The following NPHP4 variants were observed in gnomAD, a reference collection of about 807,000 sequenced individuals.
NPHP4 encodes the protein nephrocystin 4.
A neutral mutation model predicts 155.8 loss-of-function variants in NPHP4; 151 were observed. The ratio of observed to expected loss-of-function variants is 0.97; its 90% CI spans 0.85 to 1.11. The LOEUF (loss-of-function observed/expected upper bound fraction) is 1.11, where lower values mean the gene tolerates loss of function less well. NPHP4 is among the 50% of genes least tolerant of loss of function. The pLI, the probability that NPHP4 is intolerant of heterozygous loss-of-function variation, is 0.00. For missense variants in NPHP4, 1,956 were observed against 1,925.7 expected (o/e 1.02, Z -0.29); for synonymous variants, 845 against 816.8 (o/e 1.03, Z -0.59).
intron 9 of NPHP4, among the ~76,000 whole-genome samples, chr1:5,946,739 A>G (rs1033143800): frequency 2.6e-4 from 39 of 152,368 alleles, no homozygotes; most frequent in Middle Eastern, 3.4e-3. Context: ...ACTGAAGGTT[A>G]CATTGATCAT....
chr1:5,887,036 C>T, intron 18 of NPHP4: 1 of 480,400 alleles, frequency 2.1e-6, no homozygotes. Flanking sequence ...CAACAAACAA[C>T]AACATGCAGG....
intron 2 of NPHP4, among the ~76,000 whole-genome samples, chr1:5,982,476 A>T (rs974138750): frequency 1.3e-5 from 2 of 152,232 alleles, no homozygotes; most frequent in African/African-American, 2.4e-5. Context: ...CACAATGACA[A>T]AATCACCTAA....
intron 18 of NPHP4, among the ~76,000 whole-genome samples, chr1:5,885,280 T>C (rs750171139): frequency 1.4e-5 from 2 of 145,724 alleles, no homozygotes; most frequent in Non-Finnish European, 3.0e-5. Flanking sequence ...CCAAGATAAG[T>C]GCCCAAGCTC....
chr1:5,875,231 C>T (rs893936292), intron 20 of NPHP4, 131 bp from the exon 21 acceptor site: 2 of 744,278 alleles, frequency 2.7e-6, no homozygotes, highest in Non-Finnish European at 4.6e-6. Flanking sequence ...CCACCACCCC[C>T]TTCCTTGACC....
At position 5,888,572 on chromosome 1, in the gene NPHP4, C is replaced by G. The variant is rs751219705; in HGVS notation, c.2305-1106G>C. ...TGCATAGACATCGATGATTCCGGAA[C>G]CTCAGTCACTGGGAGACTGAGAAGA... On this transcript the variant is annotated intron_variant, in intron 17 of 29. Coordinates refer to ENST00000378156, the MANE Select transcript of NPHP4 (RefSeq NM_015102.5). 5 of 1,351,136 alleles carry G rather than the reference C, an allele frequency of 3.7e-6. No homozygotes were observed. In the African/African-American group the frequency reaches 7.4e-5, roughly 20 times the overall value. 83.7% of individuals were successfully genotyped at this position (1,351,136 alleles called of 1,614,324 possible).
intron 9 of NPHP4, among the ~76,000 whole-genome samples, chr1:5,945,032 C>T (rs1477281267): frequency 1.3e-5 from 2 of 152,198 alleles, no homozygotes; most frequent in African/African-American, 2.4e-5. Flanking sequence ...GCCCATGAAG[C>T]GGCCACCATC....
In NPHP4 at chr1:5,864,352, G is replaced by T; in HGVS notation, c.3982C>A (p.Pro1328Thr). 1.9e-6 allele frequency: 3 copies of T among 1,607,274 alleles called. No individual in the cohort carries two copies. Among genetic ancestry groups the T allele is most frequent in the Non-Finnish European group, 2.5e-6 (3 of 1,176,612 alleles). Residue 1328 changes from proline to threonine, a missense_variant, in exon 28 of 30, where the codon CCG becomes ACG. Physicochemically the swap from Pro to Thr is conservative, Grantham distance 38 (BLOSUM62 -1). Coordinates refer to ENST00000378156, the MANE Select transcript of NPHP4 (RefSeq NM_015102.5). ...CACATACAGACCTTGGAGATGAGCG[G>T]CTGGCGGCAGCAGAGGCACACGAGC... ...SWLVCLCCRQ[P>T]LISKAFEIML...
At chr1:5,887,978 G>A (rs750236271) in intron 17 of NPHP4, among the ~76,000 whole-genome samples, 3 of 152,258 alleles carry the variant, frequency 2.0e-5, no homozygotes, top group Non-Finnish European at 4.4e-5. Context: ...AAGGGCACAG[G>A]GCACAGGGTA....
intron 5 of NPHP4, among the ~76,000 whole-genome samples, chr1:5,966,270 G>A (rs1049008753): frequency 3.9e-5 from 6 of 152,164 alleles, no homozygotes; most frequent in African/African-American, 1.4e-4. Context: ...GTTTGAGACA[G>A]GGTCTCACTG....
At chr1:5,875,159 C>CAGCCAGCAGTAGCCCCTTG in intron 20 of NPHP4, 59 bp from the exon 21 acceptor site, 1 of 1,330,688 alleles carries the variant, frequency 7.5e-7, no homozygotes, top group Non-Finnish European at 1.0e-6. Context: ...CCACAAGGGG[C>CAGCCAGCAGTAGCCCCTTG]TATTGCTGGC....
At chr1:5,956,067 G>A (rs947160783) in intron 6 of NPHP4, among the ~76,000 whole-genome samples, 4 of 149,874 alleles carry the variant, frequency 2.7e-5, no homozygotes, top group Admixed American at 2.0e-4. Flanking sequence ...GCTGGGGGGG[G>A]GGGGTGCAGG....
At position 5,875,099 on chromosome 1, in the gene NPHP4, G is replaced by A. The variant is rs200136271; in HGVS notation, c.2819C>T (p.Ala940Val). Residue 940 changes from alanine to valine, a missense_variant and splice_region_variant, in exon 21 of 30, where the codon GCG (alanine) becomes GTG (valine). Physicochemically the swap from Ala to Val is moderately conservative, Grantham distance 64. Coordinates refer to ENST00000378156, the MANE Select transcript of NPHP4 (RefSeq NM_015102.5). ...GTGCTGTGTGCGGACGCTCTGCTGC[G>A]CCTGCAGACAAGAGGACATGGGTGG... ...DLGRRGTSVL[A>V]QQSVRTQHLR... 68 of 1,597,470 alleles carry A rather than the reference G, an allele frequency of 4.3e-5. No homozygotes were observed. The African/African-American group carries it at 7.3e-4, about 17-fold the overall frequency.
intron 29 of NPHP4, 105 bp from the exon 30 acceptor site, chr1:5,863,510 G>GGCAGGGGA: frequency 7.0e-7 from 1 of 1,429,264 alleles, no homozygotes; most frequent in South Asian, 1.3e-5. Context: ...GAGCTGACAA[G>GGCAGGGGA]GCAGGGGAGC....
In NPHP4 at chr1:5,933,320, C is replaced by A. The variant is rs751685493; in HGVS notation, c.1129G>T (p.Val377Phe). 1 of 1,612,490 alleles carries A rather than the reference C, an allele frequency of 6.2e-7. No homozygotes were observed. The highest frequency in any genetic ancestry group is 2.2e-5 in the East Asian group (1 of 44,870). The change falls in exon 10 of 30, where the codon GTC becomes TTC. Residue 377 changes from valine to phenylalanine, a missense_variant. Coordinates refer to ENST00000378156, the MANE Select transcript of NPHP4 (RefSeq NM_015102.5). ...PAGVDGNAAS[V>F]TSLSNLACMH... ...CATGCCAGGTTGGACAGAGAGGTGA[C>A]CGAAGCTGCCTAGAATTAAAACAAA...
At position 5,899,491 on chromosome 1, in the gene NPHP4, G is replaced by T. The variant is rs575459511; in HGVS notation, c.2143+5126C>A. On this transcript the variant is annotated intron_variant, in intron 16 of 29. Transcript: ENST00000378156. ...AGAATTCAGAAGGGTGGTTCCCTTG[G>T]GGGAGGTGAAGGACTGCGGTGAGGG... 2.0e-5 allele frequency among the ~76,000 whole-genome samples: 3 copies of T among 152,342 alleles called. No individual in the cohort carries two copies. The East Asian group carries it at 5.8e-4, about 29-fold the overall frequency.
intron 25 of NPHP4, among the ~76,000 whole-genome samples, 173 bp downstream of exon 25, chr1:5,866,857 C>A (rs1418114122): frequency 6.6e-6 from 1 of 152,160 alleles, no homozygotes; most frequent in Non-Finnish European, 1.5e-5. Context: ...AATAAAAACA[C>A]ACTCATAAAG....
chr1:5,937,585 A>G (rs187325536), intron 9 of NPHP4, among the ~76,000 whole-genome samples: 217 of 152,222 alleles, frequency 1.4e-3, no homozygotes, highest in African/African-American at 5.0e-3. Context: ...CTGGGAATGC[A>G]CAGTGAAGGG....
At chr1:5,957,241 C>T (rs1649418550) in intron 6 of NPHP4, among the ~76,000 whole-genome samples, 3 of 152,184 alleles carry the variant, frequency 2.0e-5, no homozygotes, top group Admixed American at 2.0e-4. Context: ...TACAACAATC[C>T]ATTTTATTCT....
chr1:5,866,331 C>G, intron 26 of NPHP4, 42 bp downstream of exon 26: 1 of 1,331,596 alleles, frequency 7.5e-7, no homozygotes, highest in African/African-American at 1.4e-5. Flanking sequence ...CTCCTCCTCT[C>G]CTCCGCCACC....
Sources: gnomAD v4.1 joint callset for allele counts (sites outside exome capture counted in the v4.1 genomes callset) on GRCh38, gnomAD v4.1.1 for gene constraint, MANE v1.5 for transcripts, NCBI Gene and HGNC (gene_info 2026-07-23, HGNC 2026-07-21) for gene names.